The following RBFOX1 variants were observed in gnomAD, a reference collection of about 807,000 sequenced individuals.
The protein encoded by RBFOX1 is RNA binding fox-1 homolog 1.
RBFOX1 carries 8 observed loss-of-function variants against 57.7 expected under a neutral mutation model. The ratio of observed to expected loss-of-function variants is 0.14; its 90% CI spans 0.08 to 0.25. The LOEUF is 0.25. Among genes scored for constraint, RBFOX1 ranks in the 10% least tolerant of loss-of-function variants. The pLI is 1.00. For missense variants in RBFOX1, 611 were observed against 548.5 expected, an observed-to-expected ratio of 1.11 and a Z score of -1.14; for synonymous variants, 326 against 222.4, an observed-to-expected ratio of 1.47 and a Z score of -4.15.
chr16:5,937,674 A>G (rs2059194736), intron 4 of RBFOX1, among the ~76,000 whole-genome samples: 1 of 149,864 alleles, frequency 6.7e-6, no homozygotes, highest in African/African-American at 2.4e-5. Flanking sequence ...TTTATAATAT[A>G]TAGTTATATG....
chr16:6,543,693 C>T (rs182129641), intron 2 of RBFOX1, among the ~76,000 whole-genome samples: 15 of 152,042 alleles, frequency 9.9e-5, no homozygotes, highest in East Asian at 9.7e-4. Flanking sequence ...GGAGAACCTA[C>T]GGGATTATGT....
At chr16:5,874,890 G>C (rs1210391665) in intron 4 of RBFOX1, among the ~76,000 whole-genome samples, 5 of 152,168 alleles carry the variant, frequency 3.3e-5, no homozygotes, top group Non-Finnish European at 7.4e-5. Flanking sequence ...AGGCTGCAGT[G>C]AGCTATGATT....
chr16:6,257,546 T>C (rs2097675921), intron 1 of RBFOX1, among the ~76,000 whole-genome samples: 2 of 152,150 alleles, frequency 1.3e-5, no homozygotes. Context: ...TACCCATTAG[T>C]TATTTTTCCT....
intron 3 of RBFOX1, among the ~76,000 whole-genome samples, chr16:6,676,720 G>C (rs1400081618): frequency 2.2e-5 from 3 of 136,074 alleles, no homozygotes; most frequent in Non-Finnish European, 4.6e-5. Context: ...TTGTCCCCCA[G>C]GCTGGAGTGC....
At chr16:7,203,182 A>C (rs1415553633) in intron 4 of RBFOX1, among the ~76,000 whole-genome samples, 1 of 152,220 alleles carries the variant, frequency 6.6e-6, no homozygotes, top group East Asian at 1.9e-4. Flanking sequence ...TGTGATACTC[A>C]CACACGCACA....
chr16:6,925,134 T>TTTTTTTTTTTTTTTTTTTTTTTTTTTTG, intron 3 of RBFOX1, among the ~76,000 whole-genome samples: 1 of 100,560 alleles, frequency 9.9e-6, no homozygotes, highest in Non-Finnish European at 2.0e-5. Flanking sequence ...TTTTTTTTTT[T>TTTTTTTTTTTTTTTTTTTTTTTTTTTTG]TTTTTTTTTT....
At chr16:5,675,884 G>A (rs1390282535) in intron 3 of RBFOX1, among the ~76,000 whole-genome samples, 1 of 152,148 alleles carries the variant, frequency 6.6e-6, no homozygotes, top group Non-Finnish European at 1.5e-5. Context: ...GATGTGGTTT[G>A]GGGTAATGAG....
intron 3 of RBFOX1, among the ~76,000 whole-genome samples, chr16:6,967,836 A>T (rs1017828050): frequency 3.9e-5 from 6 of 152,150 alleles, no homozygotes; most frequent in African/African-American, 1.4e-4. Context: ...CAGGGTTTAG[A>T]AGCAACCAGA....
intron 3 of RBFOX1, among the ~76,000 whole-genome samples, chr16:6,664,065 G>A (rs2098717405): frequency 1.3e-5 from 2 of 152,200 alleles, no homozygotes; most frequent in Non-Finnish European, 2.9e-5. Flanking sequence ...GGTCAGGTGT[G>A]TAAAGACAGT....
chr16:5,460,267 T>A (rs903861588), intron 1 of RBFOX1, among the ~76,000 whole-genome samples: 1 of 152,176 alleles, frequency 6.6e-6, no homozygotes, highest in African/African-American at 2.4e-5. Flanking sequence ...CCCTCAGACC[T>A]TTACTTCTCT....
intron 2 of RBFOX1, among the ~76,000 whole-genome samples, chr16:6,544,563 C>G (rs1043535469): frequency 1.3e-5 from 2 of 152,168 alleles, no homozygotes; most frequent in African/African-American, 2.4e-5. Context: ...ATTGTTTTCT[C>G]TTAGCATTCG....
intron 3 of RBFOX1, among the ~76,000 whole-genome samples, chr16:5,862,329 C>T (rs1347346357): frequency 1.3e-5 from 2 of 152,156 alleles, no homozygotes; most frequent in African/African-American, 4.8e-5. Flanking sequence ...CGTGGTGTGT[C>T]ATTTGCTGGT....
chr16:7,278,239 A>G (rs1267060239), intron 4 of RBFOX1, among the ~76,000 whole-genome samples: 4 of 152,324 alleles, frequency 2.6e-5, no homozygotes, highest in Non-Finnish European at 4.4e-5. Flanking sequence ...ATGTGTGCCT[A>G]TTCACAAACC....
At chr16:6,858,950 C>T (rs1410982195) in intron 3 of RBFOX1, among the ~76,000 whole-genome samples, 2 of 151,320 alleles carry the variant, frequency 1.3e-5, no homozygotes, top group African/African-American at 2.4e-5. Flanking sequence ...TTTTCACTGT[C>T]AATCAAAGGT....
intron 4 of RBFOX1, among the ~76,000 whole-genome samples, chr16:5,923,493 C>T (rs547533485): frequency 1.4e-5 from 2 of 147,828 alleles, no homozygotes; most frequent in East Asian, 2.0e-4. Flanking sequence ...GGACAGATTG[C>T]GAATTCAGAC....
At chr16:6,872,149 G>C (rs1450851649) in intron 3 of RBFOX1, among the ~76,000 whole-genome samples, 1 of 152,118 alleles carries the variant, frequency 6.6e-6, no homozygotes, top group African/African-American at 2.4e-5. Context: ...TCCACCAAAT[G>C]GAAAACTGTG....
intron 1 of RBFOX1, among the ~76,000 whole-genome samples, chr16:6,029,482 A>G (rs2095255665): frequency 6.6e-6 from 1 of 152,232 alleles, no homozygotes; most frequent in South Asian, 2.1e-4. Flanking sequence ...AGCATTTGAA[A>G]GAAAAACATG....
At chr16:6,958,555 A>G (rs747473447) in intron 3 of RBFOX1, among the ~76,000 whole-genome samples, 4 of 152,214 alleles carry the variant, frequency 2.6e-5, no homozygotes, top group Non-Finnish European at 5.9e-5. Flanking sequence ...TAAAAAATAA[A>G]GCCAAGGAAT....
intron 3 of RBFOX1, among the ~76,000 whole-genome samples, chr16:6,727,458 C>G (rs1316853662): frequency 1.3e-5 from 2 of 151,838 alleles, no homozygotes; most frequent in Non-Finnish European, 2.9e-5. Flanking sequence ...GCTGCTTCCA[C>G]CTACACCAGA....
Sources: allele counts gnomAD v4.1 joint callset (sites outside exome capture counted in the v4.1 genomes callset), GRCh38; gene constraint gnomAD v4.1.1; transcripts MANE v1.5; gene names NCBI Gene and HGNC (gene_info 2026-07-23, HGNC 2026-07-21).